Variants in ERCC6 observed in about 807,000 individuals in gnomAD.
The protein encoded by ERCC6 is DNA excision repair protein ERCC-6.
A neutral mutation model predicts 158.7 loss-of-function variants in ERCC6; 116 were observed. The observed-to-expected ratio is 0.73, with a 90% confidence interval of 0.63 to 0.85. ERCC6 has a LOEUF of 0.85. ERCC6 is among the 40% of genes least tolerant of loss of function. The pLI, the probability that ERCC6 is intolerant of heterozygous loss-of-function variation, is 0.00. For missense variants in ERCC6, 1,698 were observed against 1,799.4 expected, an observed-to-expected ratio of 0.94 and a Z score of 1.02; for synonymous variants, 678 against 659.3, an observed-to-expected ratio of 1.03 and a Z score of -0.43.
intron 12 of ERCC6, chr10:49,475,362 A>C: frequency 2.3e-6 from 1 of 435,956 alleles, no homozygotes; most frequent in South Asian, 1.7e-5. Flanking sequence ...TGACTACTAG[A>C]AAATTTACAA....
intron 6 of ERCC6, chr10:49,503,193 G>C (rs1188742743): frequency 6.6e-6 from 1 of 152,124 alleles, no homozygotes; most frequent in Admixed American, 6.6e-5. Flanking sequence ...AGGAGCAGTT[G>C]AGAAATTATT....
At chr10:49,452,876 A>G (rs1203059502), downstream of ERCC6, among the ~76,000 whole-genome samples, 1 of 152,156 alleles carries the variant, frequency 6.6e-6, no homozygotes, top group African/African-American at 2.4e-5. Context: ...ACACTAGTAT[A>G]GCCAGTCCAG....
At position 49,457,100 on chromosome 10, in the gene ERCC6, G is replaced by C. The variant is rs902407776; in HGVS notation, c.*1715C>G. The C allele has an allele frequency of 5.3e-5, 8 of 152,148 alleles. No individual in the cohort carries two copies. Among genetic ancestry groups the C allele is most frequent in the Admixed American group, 1.3e-4 (2 of 15,282 alleles). 9.4% of individuals were successfully genotyped at this position (152,148 alleles called of 1,614,324 possible). ...AGCAGATCACCCTGAGAACAAGGAA[G>C]ACACAATTTCCTTATAGGCTAATGA... On this transcript the variant is annotated 3_prime_UTR_variant, in exon 21 of 21. Transcript: ENST00000355832.
rs773865593 is a variant in ERCC6, at chr10:49,470,422, T to C, written c.3538A>G (p.Lys1180Glu). Reference protein sequence around the residue: ...ENKQMENNFYKHKSKTKHHSV... With the variant: ...ENKQMENNFYEHKSKTKHHSV... ...TGATGTTTTGTTTTTGACTTGTGCT[T>C]ATAAAAATTATTTTCCATTTGTTTA... The change falls in exon 18 of 21, where the codon AAG (lysine) becomes GAG (glutamate). Residue 1180 changes from lysine (K) to glutamate (E), a missense_variant. Lys to Glu is a moderately conservative substitution (Grantham distance 56, BLOSUM62 1). Coordinates refer to ENST00000355832, the MANE Select transcript of ERCC6 (RefSeq NM_000124.4). 1.1e-5 allele frequency: 18 copies of C among 1,614,024 alleles called. No homozygotes were observed. Among genetic ancestry groups the C allele is most frequent in the Non-Finnish European group, 1.5e-5 (18 of 1,180,016 alleles).
At chr10:49,515,723 G>C (rs775809191) in intron 5 of ERCC6, 1 of 1,614,138 alleles carries the variant, frequency 6.2e-7, no homozygotes, top group Non-Finnish European at 8.5e-7. Context: ...CATCAGCTCT[G>C]TCTACGCCTC....
At chr10:49,522,319 C>T (rs1366864469) in intron 5 of ERCC6, among the ~76,000 whole-genome samples, 1 of 152,144 alleles carries the variant, frequency 6.6e-6, no homozygotes, top group Non-Finnish European at 1.5e-5. Flanking sequence ...TATTTTCTTT[C>T]ATCCCCCAAA....
rs1850488104 is a variant in ERCC6 at position 49,456,647 on chromosome 10, T to C, written c.*2168A>G. 1 of 152,258 alleles carries C rather than the reference T, an allele frequency of 6.6e-6. No individual in the cohort carries two copies. The highest frequency in any genetic ancestry group is 1.5e-5 in the Non-Finnish European group (1 of 68,054). The allele number at this position is 152,258 out of a possible 1,614,324, so 9.4% of individuals were successfully genotyped here. A position where few individuals can be genotyped will look rare whatever the true frequency, so the allele number is the denominator to read the frequency against. On this transcript the variant is annotated 3_prime_UTR_variant, in exon 21 of 21. Coordinates refer to ENST00000355832, the MANE Select transcript of ERCC6 (RefSeq NM_000124.4). Reference sequence around the variant, plus strand: ...TTTTAATGGTGATAGTATTAACATTTAATTTTTTGACAAAATTTTAAAATC... The same window carrying C: ...TTTTAATGGTGATAGTATTAACATTCAATTTTTTGACAAAATTTTAAAATC...
rs565950484 is a variant in ERCC6, at chr10:49,537,681, AG to A, written c.-15+1280del. On this transcript the variant is annotated intron_variant, in intron 1 of 20. Transcript: ENST00000355832. The stretch of plus-strand genomic sequence containing the variant: ...CATCTGATAAGTCAGTCAGGTCGAA[AG>A]TAAAGTGAACGTCTTGCAAGGAAAC... 1.2e-4 allele frequency among the ~76,000 whole-genome samples: 19 copies of A among 152,324 alleles called. No homozygotes were observed. The South Asian group carries it at 2.5e-3, about 20-fold the overall frequency.
intron 5 of ERCC6, among the ~76,000 whole-genome samples, chr10:49,523,439 A>G (rs561661145): frequency 2.0e-5 from 3 of 152,394 alleles, no homozygotes; most frequent in African/African-American, 7.2e-5. Flanking sequence ...TCAGTCTCTA[A>G]CATAAAAAAC....
chr10:49,524,313 C>A lies in ERCC6; in HGVS notation c.1117G>T (p.Glu373Ter). ...TCCTCCTCCTCTGTGGGGAAATACT[C>A]AGACTCTTCACCCTCAGAGTCTCCC... ...AEGDSEGEES[E>*]YFPTEEEEEE... Residue 373 changes from glutamate to a stop codon, truncating the protein, a stop_gained, in exon 5 of 21, where the codon GAG becomes TAG. Coordinates refer to ENST00000355832, the MANE Select transcript of ERCC6 (RefSeq NM_000124.4). LOFTEE classifies it high-confidence loss of function. The A allele has an allele frequency of 6.2e-7, 1 of 1,614,064 alleles. No individual in the cohort carries two copies. The highest frequency in any genetic ancestry group is 8.5e-7 in the Non-Finnish European group (1 of 1,179,988).
intron 8 of ERCC6, among the ~76,000 whole-genome samples, chr10:49,484,442 A>C (rs1001899625): frequency 2.0e-5 from 3 of 152,148 alleles, no homozygotes; most frequent in Non-Finnish European, 4.4e-5. Flanking sequence ...TCTGAATTCC[A>C]AAAATAAATA....
chr10:49,466,732 C>T (rs185438818), intron 18 of ERCC6, among the ~76,000 whole-genome samples: 2 of 152,120 alleles, frequency 1.3e-5, no homozygotes, highest in Non-Finnish European at 1.5e-5. Flanking sequence ...CTTACTAGTC[C>T]GAAAGTCATC....
In ERCC6 at chr10:49,524,008, GTATTTATAATCC is replaced by G; in HGVS notation, c.1397+13_1397+24del. 6.2e-7 allele frequency: 1 copy of G among 1,611,074 alleles called. No homozygotes were observed. The highest frequency in any genetic ancestry group is 8.5e-7 in the Non-Finnish European group (1 of 1,179,612). On this transcript the variant is annotated intron_variant, in intron 5 of 20. Coordinates refer to ENST00000355832, the MANE Select transcript of ERCC6 (RefSeq NM_000124.4). ...CCTAAGATAAAGCAAACAGTACAAT[GTATTTATAATCC>G]CCACAGACCGACCTTAACCGCTGCT...
rs1393318735 is a variant in ERCC6, at chr10:49,524,451, G to A, written c.979C>T (p.Arg327Cys). 5.6e-6 allele frequency: 9 copies of A among 1,613,988 alleles called. No individual in the cohort carries two copies. The highest frequency in any genetic ancestry group is 4.4e-5 in the South Asian group (4 of 91,086). Residue 327 changes from arginine (R) to cysteine (C), a missense_variant, in exon 5 of 21, where the codon CGT becomes TGT. By Grantham distance (180) the Arg-to-Cys change is radical (BLOSUM62 -3). Transcript: ENST00000355832. The part of the protein sequence containing the change: ...KARVLSKKEE[R>C]LKKHIKKLQK... Reference sequence around the variant, plus strand: ...AGTTTCTTGATGTGCTTTTTCAAACGCTCCTCTTTTTTGGACAGAACTCTG... The same window carrying A: ...AGTTTCTTGATGTGCTTTTTCAAACACTCCTCTTTTTTGGACAGAACTCTG...
intron 11 of ERCC6, among the ~76,000 whole-genome samples, chr10:49,476,569 G>A (rs1167439106): frequency 6.6e-6 from 1 of 152,072 alleles, no homozygotes; most frequent in Non-Finnish European, 1.5e-5. Context: ...TCACGGGCAA[G>A]TTCAGTGCCC....
Position 49,476,314 on chromosome 10 carries a change from C to A in ERCC6, c.2287-4G>T, listed in dbSNP as rs375617750. On this transcript the variant is annotated splice_region_variant and splice_polypyrimidine_tract_variant and intron_variant, in intron 11 of 20. Transcript: ENST00000355832. ...CTGTAAGACGGCAAAATAAGACCTACGGACGGGAAAAACAAGGAAACTATA... is the reference window on the plus strand; with the variant it reads ...CTGTAAGACGGCAAAATAAGACCTAAGGACGGGAAAAACAAGGAAACTATA... 2 of 1,603,836 alleles carry A rather than the reference C, an allele frequency of 1.2e-6. No individual in the cohort carries two copies. Among genetic ancestry groups the A allele is most frequent in the Non-Finnish European group, 1.7e-6 (2 of 1,172,118 alleles).
chr10:49,472,802 G>T, intron 15 of ERCC6, 107 bp downstream of exon 15: 1 of 1,362,820 alleles, frequency 7.3e-7, no homozygotes. Flanking sequence ...ATCAAAATGT[G>T]AAACGTATGC....
intron 18 of ERCC6, among the ~76,000 whole-genome samples, chr10:49,463,030 A>C (rs1208704130): frequency 6.6e-6 from 1 of 150,924 alleles, no homozygotes; most frequent in African/African-American, 2.5e-5. Flanking sequence ...CTAAATCCTC[A>C]TATGTGGATA....
At position 49,474,261 on chromosome 10, in the gene ERCC6, C is replaced by T. The variant is rs559298949; in HGVS notation, c.2383-19G>A. On this transcript the variant is annotated intron_variant, in intron 12 of 20. Coordinates refer to ENST00000355832, the MANE Select transcript of ERCC6 (RefSeq NM_000124.4). The stretch of plus-strand genomic sequence containing the variant: ...AGAAAATCTGTGGTAAGAAAGAGTA[C>T]ATGTACACTCAGATGACCCCATGTA... 44 of 1,586,626 alleles carry T rather than the reference C, an allele frequency of 2.8e-5. No individual in the cohort carries two copies. The highest frequency in any genetic ancestry group is 3.6e-5 in the Non-Finnish European group (42 of 1,155,318).
Sources: gnomAD v4.1 joint callset for allele counts (sites outside exome capture counted in the v4.1 genomes callset) on GRCh38, gnomAD v4.1.1 for gene constraint, MANE v1.5 for transcripts, NCBI Gene and HGNC (gene_info 2026-07-23, HGNC 2026-07-21) for gene names.